Variants in AOC2 observed in about 807,000 individuals in gnomAD.
AOC2 encodes the protein amine oxidase [copper-containing] 2.
AOC2 carries 57 observed loss-of-function variants against 53.8 expected under a neutral mutation model. The ratio of observed to expected loss-of-function variants is 1.06; its 90% CI spans 0.86 to 1.32. The LOEUF (loss-of-function observed/expected upper bound fraction) is 1.32, where lower values mean the gene tolerates loss of function less well. AOC2 is among the 40% of genes most tolerant of loss of function. The pLI, the probability that AOC2 is intolerant of heterozygous loss-of-function variation, is 0.00. For missense variants in AOC2, 1,008 were observed against 957.2 expected, an observed-to-expected ratio of 1.05 and a Z score of -0.70; for synonymous variants, 404 against 399.0, an observed-to-expected ratio of 1.01 and a Z score of -0.15.
At position 42,849,319 on chromosome 17, in the gene AOC2, G is replaced by A. The variant is rs549920601; in HGVS notation, c.1822G>A (p.Gly608Ser). Residue 608 changes from glycine (G) to serine (S), a missense_variant, in exon 2 of 4, where the codon GGC becomes AGC. Physicochemically the swap from Gly to Ser is moderately conservative, Grantham distance 56. Transcript: ENST00000253799. ...GYRIQIHSPL[G>S]IHIPLESDME... ...CCGAATCCAGATCCACAGCCCCCTT[G>A]GCATACACATACCCCTGGAGAGTGA... 1 of 1,614,138 alleles carries A rather than the reference G, an allele frequency of 6.2e-7. No homozygotes were observed. The highest frequency in any genetic ancestry group is 1.1e-5 in the South Asian group (1 of 91,084).
chr17:42,845,525 A>C lies in AOC2; in HGVS notation c.899A>C (p.Asn300Thr). The C allele has an allele frequency of 6.2e-7, 1 of 1,614,026 alleles. No homozygotes were observed. The highest frequency in any genetic ancestry group is 1.1e-5 in the South Asian group (1 of 91,078). ...GGAGCTTCATCCCTGAGGTCTCGGA[A>C]CTCTCCAGGTCCTCTTCCCCCTCTT... ...PNGASSLRSR[N>T]SPGPLPPLQF... is the part of the protein sequence containing the mutation. Residue 300 changes from asparagine (N) to threonine (T), a missense_variant, in exon 1 of 4, where the codon AAC becomes ACC. Transcript: ENST00000253799.
In AOC2 at chr17:42,848,548, T is replaced by C. The variant is rs12946804; in HGVS notation, c.1589-538T>C. 8.3e-3 allele frequency among the ~76,000 whole-genome samples: 1,089 copies of C among 131,020 alleles called. 18 individuals are homozygous for C. The highest frequency in any genetic ancestry group is 0.03 in the African/African-American group (970 of 32,844). The allele number at this position is 131,020 out of a possible 152,430, so 86.0% of individuals were successfully genotyped here. Reference sequence around the variant, plus strand: ...GAATATATATATATATATATATACATATATATATATATATATATTTTAGAC... The same window carrying C: ...GAATATATATATATATATATATACACATATATATATATATATATTTTAGAC... On this transcript the variant is annotated intron_variant, in intron 1 of 3. Coordinates refer to ENST00000253799, the MANE Select transcript of AOC2 (RefSeq NM_009590.4).
At position 42,845,569 on chromosome 17, in the gene AOC2, TC is replaced by T. The variant is rs1208353058; in HGVS notation, c.946del (p.Gln316SerfsTer26). ...CCCTCTTCAGTTCTCGCCCCAGGGT[TC>T]CCAGTACAGTGTGCAAGGAAACCTG... The part of the protein sequence containing the change: ...LPPLQFSPQG[S>X]QYSVQGNLVV... On this transcript the variant is annotated frameshift_variant, in exon 1 of 4. Transcript: ENST00000253799. LOFTEE classifies it high-confidence loss of function. The T allele has an allele frequency of 1.2e-6, 2 of 1,614,062 alleles. No individual in the cohort carries two copies. The highest frequency in any genetic ancestry group is 1.7e-6 in the Non-Finnish European group (2 of 1,180,034).
Position 42,844,830 on chromosome 17 carries a change from G to A in AOC2, c.204G>A (p.Met68Ile). Residue 68 changes from methionine to isoleucine, a missense_variant, in exon 1 of 4, where the codon ATG (methionine) becomes ATA (isoleucine). By Grantham distance (10) the Met-to-Ile change is conservative. Transcript: ENST00000253799. The part of the protein sequence containing the change: ...DLSREELTAV[M>I]RFLTQRLGPG... ...GCCGAGAGGAGTTGACAGCTGTGATGCGCTTTCTGACCCAGCGGCTGGGGC... is the reference window on the plus strand; with the variant it reads ...GCCGAGAGGAGTTGACAGCTGTGATACGCTTTCTGACCCAGCGGCTGGGGC... The A allele has an allele frequency of 1.2e-6, 2 of 1,613,412 alleles. No individual in the cohort carries two copies. The highest frequency in any genetic ancestry group is 3.3e-4 in the Middle Eastern group (2 of 6,054).
rs369025380 is a variant in AOC2, at chr17:42,850,079, C to G, written c.2005-3C>G. On this transcript the variant is annotated splice_polypyrimidine_tract_variant and splice_region_variant and intron_variant, in intron 3 of 3. Transcript: ENST00000253799. ...GTCCTCCAGCTCCTCCTTCTTCTTG[C>G]AGGATCTGGTGGCTTGGGTCACAGC... The G allele has an allele frequency of 3.7e-6, 6 of 1,611,552 alleles. No homozygotes were observed. In the East Asian group the frequency reaches 1.3e-4, roughly 36 times the overall value.
At position 42,848,536 on chromosome 17, in the gene AOC2, TATATATATAC is replaced by T. The variant is rs1257435036; in HGVS notation, c.1589-540_1589-531del. Among the ~76,000 whole-genome samples, 221 of 134,830 alleles carry T rather than the reference TATATATATAC, an allele frequency of 1.6e-3. 5 individuals carry two copies. Among genetic ancestry groups the T allele is most frequent in the African/African-American group, 7.2e-3 (211 of 29,480 alleles). 88.5% of individuals were successfully genotyped at this position (134,830 alleles called of 152,430 possible). On this transcript the variant is annotated intron_variant, in intron 1 of 3. Coordinates refer to ENST00000253799, the MANE Select transcript of AOC2 (RefSeq NM_009590.4). Reference sequence around the variant, plus strand: ...GACAGAGGAACTGAATATATATATATATATATATACATATATATATATATATATATTTTAG... The same window carrying T: ...GACAGAGGAACTGAATATATATATATATATATATATATATATATATTTTAG...
In AOC2 at chr17:42,845,579, G is replaced by A; in HGVS notation, c.953G>A (p.Ser318Asn). The change falls in exon 1 of 4, where the codon AGT becomes AAT. Residue 318 changes from serine (S) to asparagine (N), a missense_variant. Physicochemically the swap from Ser to Asn is conservative, Grantham distance 46 (BLOSUM62 1). Transcript: ENST00000253799. Reference protein sequence around the residue: ...LQFSPQGSQYSVQGNLVVSSL... With the variant: ...LQFSPQGSQYNVQGNLVVSSL... ...TTCTCGCCCCAGGGTTCCCAGTACA[G>A]TGTGCAAGGAAACCTGGTGGTATCC... The A allele has an allele frequency of 6.2e-7, 1 of 1,614,216 alleles. No individual in the cohort carries two copies. The highest frequency in any genetic ancestry group is 8.5e-7 in the Non-Finnish European group (1 of 1,180,038).
At position 42,844,737 on chromosome 17, in the gene AOC2, C is replaced by A. The variant is rs1175137974; in HGVS notation, c.111C>A (p.Cys37Ter). Residue 37 changes from cysteine (C) to a stop codon, truncating the protein, a stop_gained, in exon 1 of 4, where the codon TGC (cysteine) becomes TGA (stop). Coordinates refer to ENST00000253799, the MANE Select transcript of AOC2 (RefSeq NM_009590.4). LOFTEE classifies it high-confidence loss of function. ...SPGGSSQPPHCPSVSHRAQPW... is the reference protein window; with the variant it reads ...SPGGSSQPPH ...GTGGTTCCAGCCAGCCTCCCCACTG[C>A]CCCTCTGTATCCCATAGGGCCCAGC... 1.2e-6 allele frequency: 2 copies of A among 1,614,174 alleles called. No individual in the cohort carries two copies. Among genetic ancestry groups the A allele is most frequent in the South Asian group, 2.2e-5 (2 of 91,088 alleles).
chr17:42,848,337 A>C (rs1250414116), intron 1 of AOC2, among the ~76,000 whole-genome samples: 7 of 151,140 alleles, frequency 4.6e-5, no homozygotes, highest in Non-Finnish European at 1.0e-4. Context: ...AATTATGCCC[A>C]GTGTAGGGAT....
Position 42,850,363 on chromosome 17 carries a change from C to G in AOC2, c.*15C>G. 1.9e-6 allele frequency: 3 copies of G among 1,575,456 alleles called. No individual in the cohort carries two copies. The highest frequency in any genetic ancestry group is 2.6e-6 in the Non-Finnish European group (3 of 1,155,038). ...ACGGCTTCTAGTCCTGAGGGTGTGG[C>G]GGGCGGCGTGGTTAGGCACATGTAC... On this transcript the variant is annotated 3_prime_UTR_variant, in exon 4 of 4. Coordinates refer to ENST00000253799, the MANE Select transcript of AOC2 (RefSeq NM_009590.4).
In AOC2 at chr17:42,845,935, C is replaced by T. The variant is rs1246879818; in HGVS notation, c.1309C>T (p.His437Tyr). Residue 437 changes from histidine (H) to tyrosine (Y), a missense_variant, in exon 1 of 4, where the codon CAC (histidine) becomes TAC (tyrosine). Physicochemically the swap from His to Tyr is moderately conservative, Grantham distance 83 (BLOSUM62 2). Transcript: ENST00000253799. Reference sequence around the variant, plus strand: ...AGCCCAGGGACTGCCCCTTCGAAGGCACCACAATTACCTTCAAAATCATTT... The same window carrying T: ...AGCCCAGGGACTGCCCCTTCGAAGGTACCACAATTACCTTCAAAATCATTT... ...EEAQGLPLRR[H>Y]HNYLQNHFYG... 1 of 1,614,206 alleles carries T rather than the reference C, an allele frequency of 6.2e-7. No homozygotes were observed.
chr17:42,847,775 C>A (rs1004747441), intron 1 of AOC2, among the ~76,000 whole-genome samples: 1 of 151,110 alleles, frequency 6.6e-6, no homozygotes, highest in Non-Finnish European at 1.5e-5. Context: ...TACACTACCA[C>A]GCCCAGCTTT....
rs200623048 is a variant in AOC2 at position 42,850,348 on chromosome 17, G to C, written c.2271G>C (p.Ter757TyrextTer2). ...CCCCTTTCTCTTACCACGGCTTCTAGTCCTGAGGGTGTGGCGGGCGGCGTG... is the reference window on the plus strand; with the variant it reads ...CCCCTTTCTCTTACCACGGCTTCTACTCCTGAGGGTGTGGCGGGCGGCGTG... ...DLPPFSYHGF[*>Y] Residue 757 changes from the stop codon to tyrosine (Y), a stop_lost, in exon 4 of 4, where the codon TAG becomes TAC. Coordinates refer to ENST00000253799, the MANE Select transcript of AOC2 (RefSeq NM_009590.4). The C allele has an allele frequency of 6.4e-5, 102 of 1,590,086 alleles. No individual in the cohort carries two copies. Among genetic ancestry groups the C allele is most frequent in the Middle Eastern group, 1.7e-4 (1 of 5,964 alleles).
intron 1 of AOC2, among the ~76,000 whole-genome samples, chr17:42,848,546 C>CATATATATATATATATATATACATACAT (rs200422278): frequency 8.5e-6 from 1 of 117,694 alleles, no homozygotes; most frequent in African/African-American, 3.9e-5. Context: ...TATATATATA[C>CATATATATATATATATATATACATACAT]ATATATATAT....
Position 42,845,689 on chromosome 17 carries a change from T to C in AOC2, c.1063T>C (p.Tyr355His). 1.9e-6 allele frequency: 3 copies of C among 1,614,182 alleles called. No individual in the cohort carries two copies. In the South Asian group the frequency reaches 3.3e-5, roughly 18 times the overall value. The part of the protein sequence containing the change: ...DVRFQGERIA[Y>H]EVSVQECVSI... ...TCGGTTCCAGGGTGAGCGAATAGCC[T>C]ATGAAGTCAGTGTCCAGGAGTGTGT... The change falls in exon 1 of 4, where the codon TAT (tyrosine) becomes CAT (histidine). Residue 355 changes from tyrosine (Y) to histidine (H), a missense_variant. By Grantham distance (83) the Tyr-to-His change is moderately conservative. Transcript: ENST00000253799.
Position 42,844,860 on chromosome 17 carries a change from G to A in AOC2, c.234G>A (p.Gly78=), listed in dbSNP as rs2055577647. The part of the protein sequence containing the change: ...MRFLTQRLGP[G]LVDAAQAQPS... The stretch of plus-strand genomic sequence containing the variant: ...TTCTGACCCAGCGGCTGGGGCCAGG[G>A]CTGGTGGACGCAGCCCAGGCTCAGC... The change falls in exon 1 of 4, where the codon GGG becomes GGA. Residue 78 remains glycine, a synonymous_variant. Coordinates refer to ENST00000253799, the MANE Select transcript of AOC2 (RefSeq NM_009590.4). 2 of 1,612,324 alleles carry A rather than the reference G, an allele frequency of 1.2e-6. No homozygotes were observed. Among genetic ancestry groups the A allele is most frequent in the East Asian group, 2.2e-5 (1 of 44,836 alleles).
At position 42,844,866 on chromosome 17, in the gene AOC2, G is replaced by A; in HGVS notation, c.240G>A (p.Val80=). ...FLTQRLGPGL[V]DAAQAQPSDN... Reference sequence around the variant, plus strand: ...CCCAGCGGCTGGGGCCAGGGCTGGTGGACGCAGCCCAGGCTCAGCCCTCGG... The same window carrying A: ...CCCAGCGGCTGGGGCCAGGGCTGGTAGACGCAGCCCAGGCTCAGCCCTCGG... Residue 80 remains valine (V), a synonymous_variant, in exon 1 of 4, where the codon GTG becomes GTA. Transcript: ENST00000253799. 1 of 1,612,250 alleles carries A rather than the reference G, an allele frequency of 6.2e-7. No individual in the cohort carries two copies. The highest frequency in any genetic ancestry group is 8.5e-7 in the Non-Finnish European group (1 of 1,178,746).
In AOC2 at chr17:42,845,489, C is replaced by T. The variant is rs755571697; in HGVS notation, c.863C>T (p.Pro288Leu). Reference protein sequence around the residue: ...GRLEVVRVPLPPPNGASSLRS... With the variant: ...GRLEVVRVPLLPPNGASSLRS... ...TTGGAAGTGGTTAGAGTCCCTCTACCTCCACCAAATGGAGCTTCATCCCTG... is the reference window on the plus strand; with the variant it reads ...TTGGAAGTGGTTAGAGTCCCTCTACTTCCACCAAATGGAGCTTCATCCCTG... The change falls in exon 1 of 4, where the codon CCT becomes CTT. Residue 288 changes from proline (P) to leucine (L), a missense_variant. By Grantham distance (98) the Pro-to-Leu change is moderately conservative. Transcript: ENST00000253799. 2.5e-6 allele frequency: 4 copies of T among 1,614,160 alleles called. No homozygotes were observed. The South Asian group carries it at 4.4e-5, about 18-fold the overall frequency.
At position 42,844,657 on chromosome 17, in the gene AOC2, G is replaced by A; in HGVS notation, c.31G>A (p.Ala11Thr). The A allele has an allele frequency of 6.2e-7, 1 of 1,613,776 alleles. No individual in the cohort carries two copies. Among genetic ancestry groups the A allele is most frequent in the Non-Finnish European group, 8.5e-7 (1 of 1,179,750 alleles). MHLKIVLAFL[A>T]LSLITIFALA... ...TCTCAAGATAGTCCTGGCGTTCCTG[G>A]CACTGTCCCTCATTACCATCTTTGC... The change falls in exon 1 of 4, where the codon GCA becomes ACA. Residue 11 changes from alanine to threonine, a missense_variant. Coordinates refer to ENST00000253799, the MANE Select transcript of AOC2 (RefSeq NM_009590.4).
Sources: gnomAD v4.1 joint callset for allele counts (sites outside exome capture counted in the v4.1 genomes callset) on GRCh38, gnomAD v4.1.1 for gene constraint, MANE v1.5 for transcripts, NCBI Gene and HGNC (gene_info 2026-07-23, HGNC 2026-07-21) for gene names.